PDE10A: variants seen among roughly 807,000 people sequenced by gnomAD.
PDE10A encodes phosphodiesterase 10A.
A neutral mutation model predicts 97.7 loss-of-function variants in PDE10A; 39 were observed. The observed-to-expected ratio is 0.40, with a 90% confidence interval of 0.31 to 0.52. The LOEUF is 0.52. PDE10A is among the 20% of genes least tolerant of loss of function. PDE10A has a pLI of 0.56. For synonymous variants in PDE10A, 371 were observed against 376.8 expected, an observed-to-expected ratio of 0.98 and a Z score of 0.18; for missense variants, 731 against 1,047.8, an observed-to-expected ratio of 0.70 and a Z score of 4.17.
chr6:165,504,789 T>A (rs6456001), intron 2 of PDE10A, among the ~76,000 whole-genome samples: 4,702 of 152,296 alleles, frequency 0.031, 229 homozygotes, highest in African/African-American at 0.11. Context: ...ATATCATAAT[T>A]GGCTTAACAT....
intron 1 of PDE10A, among the ~76,000 whole-genome samples, chr6:165,707,982 C>T (rs1039179838): frequency 2.6e-5 from 4 of 152,180 alleles, no homozygotes; most frequent in African/African-American, 9.7e-5. Flanking sequence ...GGACTCAACC[C>T]ATCTGCCCCG....
chr6:165,504,907 A>T (rs1191958519), intron 2 of PDE10A, among the ~76,000 whole-genome samples: 1 of 152,156 alleles, frequency 6.6e-6, no homozygotes, highest in African/African-American at 2.4e-5. Flanking sequence ...TACTAAGGTG[A>T]GACTGAATTC....
rs1270531882 is a variant in PDE10A at position 165,952,809 on chromosome 6, A to G, written c.-615+34720T>C. Reference sequence around the variant, plus strand: ...CACTGGGCTCCATCCACTTTGCTTAAGTAAATCTTTCACAGATATCTCCTC... The same window carrying G: ...CACTGGGCTCCATCCACTTTGCTTAGGTAAATCTTTCACAGATATCTCCTC... On this transcript the variant is annotated intron_variant, in intron 1 of 19. Transcript: ENST00000366882. 2.0e-5 allele frequency among the ~76,000 whole-genome samples: 3 copies of G among 152,142 alleles called. No individual in the cohort carries two copies. The East Asian group carries it at 5.8e-4, about 29-fold the overall frequency.
intron 1 of PDE10A, among the ~76,000 whole-genome samples, chr6:165,628,367 T>TC (rs397763349): frequency 6.6e-6 from 1 of 151,830 alleles, no homozygotes; most frequent in East Asian, 1.9e-4. Flanking sequence ...TCTTTTTTTT[T>TC]CAGAGGTAGA....
At chr6:165,734,647 G>A (rs1330539295) in intron 1 of PDE10A, among the ~76,000 whole-genome samples, 1 of 152,276 alleles carries the variant, frequency 6.6e-6, no homozygotes, top group African/African-American at 2.4e-5. Flanking sequence ...GTTAGTGAAT[G>A]GGAAGGTGGG....
intron 1 of PDE10A, among the ~76,000 whole-genome samples, chr6:165,778,781 C>T (rs2128461233): frequency 6.6e-6 from 1 of 152,248 alleles, no homozygotes; most frequent in Non-Finnish European, 1.5e-5. Flanking sequence ...TTCATATTTC[C>T]ACTGACCACT....
chr6:165,857,756 T>C (rs78435635), intron 1 of PDE10A, among the ~76,000 whole-genome samples: 6,361 of 151,562 alleles, frequency 0.042, 161 homozygotes, highest in Middle Eastern at 0.078. Flanking sequence ...TTGTGCTCTT[T>C]GGGGCAACAA....
chr6:165,719,989 G>A (rs569239156), intron 1 of PDE10A, among the ~76,000 whole-genome samples: 9 of 152,312 alleles, frequency 5.9e-5, no homozygotes, highest in East Asian at 3.9e-4. Context: ...TGTGTAAAAC[G>A]TGAGGATCGG....
chr6:165,598,206 T>C (rs1786719178), intron 1 of PDE10A, among the ~76,000 whole-genome samples: 1 of 152,218 alleles, frequency 6.6e-6, no homozygotes, highest in African/African-American at 2.4e-5. Context: ...TATCTGAGAA[T>C]GGTGGAAATT....
chr6:165,961,130 G>A (rs755255476), intron 1 of PDE10A, among the ~76,000 whole-genome samples: 1 of 152,136 alleles, frequency 6.6e-6, no homozygotes, highest in Non-Finnish European at 1.5e-5. Context: ...GGGATGGGGT[G>A]CAGGGGACCT....
At chr6:165,511,644 G>A (rs925366019) in intron 2 of PDE10A, among the ~76,000 whole-genome samples, 1 of 151,960 alleles carries the variant, frequency 6.6e-6, no homozygotes, top group Non-Finnish European at 1.5e-5. Flanking sequence ...TTGTATTGGA[G>A]TGTCTCTCTC....
intron 1 of PDE10A, among the ~76,000 whole-genome samples, chr6:165,636,953 C>G (rs1401368606): frequency 6.6e-6 from 1 of 152,108 alleles, no homozygotes; most frequent in African/African-American, 2.4e-5. Flanking sequence ...CCACCTGAGA[C>G]GATTCATGTG....
chr6:165,866,301 T>A (rs1445748839), intron 1 of PDE10A, among the ~76,000 whole-genome samples: 1 of 151,864 alleles, frequency 6.6e-6, no homozygotes, highest in Non-Finnish European at 1.5e-5. Flanking sequence ...TGACCACATC[T>A]GTTGAAGCTC....
intron 2 of PDE10A, among the ~76,000 whole-genome samples, chr6:165,500,992 C>A (rs972797509): frequency 6.6e-6 from 1 of 152,034 alleles, no homozygotes; most frequent in African/African-American, 2.4e-5. Context: ...ACATGTCTTC[C>A]TGCTGACCCT....
chr6:165,853,508 G>A (rs1433050612), intron 1 of PDE10A, among the ~76,000 whole-genome samples: 1 of 152,132 alleles, frequency 6.6e-6, no homozygotes, highest in South Asian at 2.1e-4. Context: ...AGTCATTCAC[G>A]ATTTCCATTC....
rs144700015 is a variant in PDE10A at position 165,916,771 on chromosome 6, T to G, written c.-615+70758A>C. Among the ~76,000 whole-genome samples the G allele has an allele frequency of 2.4e-4, 37 of 152,266 alleles. No individual in the cohort carries two copies. In the East Asian group the frequency reaches 7.0e-3, roughly 29 times the overall value. ...TTTGGTCTTCAGCAATGACCAACAA[T>G]TCTCTCTTTTAGGTGGTGGTCACAT... is the stretch of plus-strand genomic sequence containing the variant. On this transcript the variant is annotated intron_variant, in intron 1 of 19. Coordinates refer to the PDE10A transcript ENST00000366882.
At chr6:165,442,185 C>T (rs905352489) in intron 5 of PDE10A, among the ~76,000 whole-genome samples, 1 of 152,076 alleles carries the variant, frequency 6.6e-6, no homozygotes, top group Non-Finnish European at 1.5e-5. Context: ...GGTACATGTG[C>T]ACAACGTGCA....
At chr6:165,428,515 C>A in intron 10 of PDE10A, 143 bp downstream of exon 10, 1 of 574,226 alleles carries the variant, frequency 1.7e-6, no homozygotes, top group East Asian at 3.5e-5. Flanking sequence ...AAGTGACAAA[C>A]AGATCAAGGT....
chr6:165,960,111 G>C (rs1046497498), intron 1 of PDE10A, among the ~76,000 whole-genome samples: 1 of 152,282 alleles, frequency 6.6e-6, no homozygotes, highest in Non-Finnish European at 1.5e-5. Flanking sequence ...CACCTAGAGA[G>C]AAAGTGAGCT....
Sources: allele counts gnomAD v4.1 joint callset (sites outside exome capture counted in the v4.1 genomes callset), GRCh38; gene constraint gnomAD v4.1.1; transcripts MANE v1.5; gene names NCBI Gene and HGNC (gene_info 2026-07-23, HGNC 2026-07-21).